RBKS: variants seen among roughly 807,000 people sequenced by gnomAD.
The protein encoded by RBKS is ribokinase.
In RBKS, 33 loss-of-function variants were observed where a neutral mutation model predicts 33.9. That is an observed-to-expected ratio of 0.97 (90% CI 0.74 to 1.30). The LOEUF (loss-of-function observed/expected upper bound fraction) is 1.30, where lower values mean the gene tolerates loss of function less well. RBKS is among the 50% of genes most tolerant of loss of function. RBKS has a pLI of 0.00. For missense variants in RBKS, 361 were observed against 392.6 expected (o/e 0.92, Z 0.68); for synonymous variants, 125 against 143.0 (o/e 0.87, Z 0.90).
intron 7 of RBKS, among the ~76,000 whole-genome samples, chr2:27,805,932 C>T (rs1239948595): frequency 6.6e-6 from 1 of 151,034 alleles, no homozygotes; most frequent in Non-Finnish European, 1.5e-5. Flanking sequence ...CACTCTGTTT[C>T]CCAGGCTGGA....
At position 27,810,420 on chromosome 2, in the gene RBKS, TGGATGGAAGGGCATTTACC is replaced by T. The variant is rs1290702186; in HGVS notation, c.795+17128_795+17146del. Among the ~76,000 whole-genome samples, 2 of 152,288 alleles carry T rather than the reference TGGATGGAAGGGCATTTACC, an allele frequency of 1.3e-5. No homozygotes were observed. Among genetic ancestry groups the T allele is most frequent in the East Asian group, 1.9e-4 (1 of 5,184 alleles). ...TTCATTCCCTAGAAGGCAGGCATACTGGATGGAAGGGCATTTACCGGATGGAAGGGCATTTATGGATCAC... is the reference window on the plus strand; with the variant it reads ...TTCATTCCCTAGAAGGCAGGCATACTGGATGGAAGGGCATTTATGGATCAC... On this transcript the variant is annotated intron_variant, in intron 7 of 7. Transcript: ENST00000302188. The surrounding 1 kb of genome is among the most constrained non-coding windows in gnomAD (Gnocchi z 4.4).
chr2:27,816,305 C>A (rs1386005305), intron 7 of RBKS, among the ~76,000 whole-genome samples: 2 of 152,170 alleles, frequency 1.3e-5, no homozygotes, highest in Non-Finnish European at 2.9e-5. Flanking sequence ...GCTAATATGG[C>A]CCCCTGGGCA....
At position 27,843,249 on chromosome 2, in the gene RBKS, C is replaced by T. The variant is rs368736846; in HGVS notation, c.350-18G>A. On this transcript the variant is annotated intron_variant, in intron 4 of 7. Transcript: ENST00000302188. ...ATTCTGGCCTATAAAGAAATTCCAC[C>T]TATTATATTAAAACTAAACAAAGCC... 22 of 1,585,844 alleles carry T rather than the reference C, an allele frequency of 1.4e-5. No individual in the cohort carries two copies. The African/African-American group carries it at 2.4e-4, about 18-fold the overall frequency.
In RBKS at chr2:27,812,921, G is replaced by T. The variant is rs550570596; in HGVS notation, c.795+14646C>A. Among the ~76,000 whole-genome samples the T allele has an allele frequency of 4.0e-5, 6 of 151,812 alleles. No homozygotes were observed. The East Asian group carries it at 1.2e-3, about 29-fold the overall frequency. On this transcript the variant is annotated intron_variant, in intron 7 of 7. Coordinates refer to ENST00000302188, the MANE Select transcript of RBKS (RefSeq NM_022128.3). ...AAAAAAGGGTTAAAGTTAGGATTAA[G>T]GTATAGAGATAGACCTGAAGAACAG...
intron 7 of RBKS, among the ~76,000 whole-genome samples, chr2:27,787,673 A>G (rs772261167): frequency 4.6e-5 from 7 of 152,206 alleles, no homozygotes; most frequent in Non-Finnish European, 8.8e-5. Context: ...CCTTGCAAAC[A>G]TTTAAGTGAG....
rs1321986361 is a variant in RBKS, at chr2:27,782,356, T to G, written c.796-568A>C. Among the ~76,000 whole-genome samples the G allele has an allele frequency of 2.0e-5, 3 of 152,034 alleles. No individual in the cohort carries two copies. In the East Asian group the frequency reaches 5.8e-4, roughly 29 times the overall value. On this transcript the variant is annotated intron_variant, in intron 7 of 7. Coordinates refer to ENST00000302188, the MANE Select transcript of RBKS (RefSeq NM_022128.3). ...GCAACACTTAGCTAATTTTTAAAAA[T>G]TTTAATTAAAAAAAAAAGGGTCTCA...
chr2:27,862,408 G>A (rs1399068026), intron 1 of RBKS, among the ~76,000 whole-genome samples: 7 of 152,088 alleles, frequency 4.6e-5, no homozygotes, highest in South Asian at 4.1e-4. Context: ...AAATACATAC[G>A]ACAAGAATAT....
At chr2:27,804,233 C>T (rs1419531915) in intron 7 of RBKS, among the ~76,000 whole-genome samples, 2 of 152,146 alleles carry the variant, frequency 1.3e-5, no homozygotes, top group Non-Finnish European at 2.9e-5. Flanking sequence ...AATTAATATA[C>T]ATATAATACA....
At chr2:27,842,253 A>G (rs1243227106) in intron 5 of RBKS, among the ~76,000 whole-genome samples, 3 of 152,184 alleles carry the variant, frequency 2.0e-5, no homozygotes, top group Non-Finnish European at 2.9e-5. Context: ...GAGGTGAGAA[A>G]AGAGGAGTGA....
At chr2:27,815,384 C>T (rs1390158123) in intron 7 of RBKS, among the ~76,000 whole-genome samples, 1 of 151,844 alleles carries the variant, frequency 6.6e-6, no homozygotes. Flanking sequence ...CTTTTTTTGT[C>T]GAAATGGGGT....
At chr2:27,800,008 C>A (rs1189120900) in intron 7 of RBKS, among the ~76,000 whole-genome samples, 1 of 151,362 alleles carries the variant, frequency 6.6e-6, no homozygotes, top group Non-Finnish European at 1.5e-5. Flanking sequence ...GTCATATGTA[C>A]CTGGTTTTAA....
chr2:27,827,650 C>G lies in RBKS; in HGVS notation c.712G>C (p.Ala238Pro), dbSNP rs761597697. The change falls in exon 7 of 8, where the codon GCT (alanine) becomes CCT (proline). Residue 238 changes from alanine to proline, a missense_variant. By Grantham distance (27) the Ala-to-Pro change is conservative (BLOSUM62 -1). Coordinates refer to ENST00000302188, the MANE Select transcript of RBKS (RefSeq NM_022128.3). ...GCQVVIITLG[A>P]EGCVVLSQTE... ...TGTGACAGCACCACACATCCTTCAG[C>G]CCCTAAGGTAATGATTACCACCTGG... 2 of 1,613,996 alleles carry G rather than the reference C, an allele frequency of 1.2e-6. No individual in the cohort carries two copies. Among genetic ancestry groups the G allele is most frequent in the Non-Finnish European group, 1.7e-6 (2 of 1,179,950 alleles).
intron 7 of RBKS, among the ~76,000 whole-genome samples, chr2:27,812,775 G>A (rs1678010116): frequency 6.6e-6 from 1 of 152,034 alleles, no homozygotes; most frequent in African/African-American, 2.4e-5. Flanking sequence ...GTTAATGGGT[G>A]CAGCACACCA....
intron 1 of RBKS, among the ~76,000 whole-genome samples, chr2:27,868,098 A>G (rs2148224734): frequency 6.6e-6 from 1 of 152,320 alleles, no homozygotes; most frequent in South Asian, 2.1e-4. Flanking sequence ...CTACATTATA[A>G]TTATCTGGGT....
intron 6 of RBKS, among the ~76,000 whole-genome samples, chr2:27,828,881 A>G (rs994622213): frequency 6.6e-6 from 1 of 152,086 alleles, no homozygotes; most frequent in African/African-American, 2.4e-5. Flanking sequence ...TATACTATTT[A>G]AAGTATTTTT....
rs931155169 is a variant in RBKS at position 27,782,006 on chromosome 2, C to T, written c.796-218G>A. On this transcript the variant is annotated intron_variant, in intron 7 of 7. Transcript: ENST00000302188. Reference sequence around the variant, plus strand: ...AAGAAATAATATATTATTAAGTGAACTTCATACTTTTTTCAGAGTTTACTA... The same window carrying T: ...AAGAAATAATATATTATTAAGTGAATTTCATACTTTTTTCAGAGTTTACTA... Among the ~76,000 whole-genome samples the T allele has an allele frequency of 1.3e-4, 20 of 152,190 alleles. 1 individual carries two copies. Among genetic ancestry groups the T allele is most frequent in the African/African-American group, 4.1e-4 (17 of 41,526 alleles).
chr2:27,825,852 C>T (rs900336203), intron 7 of RBKS, among the ~76,000 whole-genome samples: 22 of 152,354 alleles, frequency 1.4e-4, no homozygotes, highest in African/African-American at 5.3e-4. Context: ...TAGTAACTAA[C>T]ATGGACACTG....
At chr2:27,885,200 C>T (rs1229790800) in intron 1 of RBKS, among the ~76,000 whole-genome samples, 2 of 152,110 alleles carry the variant, frequency 1.3e-5, no homozygotes, top group African/African-American at 2.4e-5. Flanking sequence ...GTCAACTCTA[C>T]CCCAAAAATA....
Position 27,833,214 on chromosome 2 carries a change from A to G in RBKS, c.515-437T>C, listed in dbSNP as rs181844318. Among the ~76,000 whole-genome samples, 34 of 152,338 alleles carry G rather than the reference A, an allele frequency of 2.2e-4. 1 individual carries two copies. Among genetic ancestry groups the G allele is most frequent in the Admixed American group, 2.0e-3 (30 of 15,302 alleles). ...TTTCCAGGGAAGAAAAAGAGACGAT[A>G]GAAAATAAACAATGAAAGGTTCAGA... is the stretch of plus-strand genomic sequence containing the variant. On this transcript the variant is annotated intron_variant, in intron 5 of 7. Coordinates refer to ENST00000302188, the MANE Select transcript of RBKS (RefSeq NM_022128.3).
Sources: gnomAD v4.1 joint callset for allele counts (sites outside exome capture counted in the v4.1 genomes callset) on GRCh38, gnomAD v4.1.1 for gene constraint, Gnocchi (gnomAD v3.1) non-coding constraint, MANE v1.5 for transcripts, NCBI Gene and HGNC (gene_info 2026-07-23, HGNC 2026-07-21) for gene names.